The following CFAP65 variants were observed in gnomAD, a reference collection of about 807,000 sequenced individuals.
CFAP65 encodes cilia and flagella associated protein 65.
In CFAP65, 155 loss-of-function variants were observed where a neutral mutation model predicts 208.0. The observed-to-expected ratio is 0.75, with a 90% CI of 0.65 to 0.85. CFAP65 has a LOEUF of 0.85. CFAP65 is among the 40% of genes least tolerant of loss of function. CFAP65 has a pLI of 0.00. For missense variants in CFAP65, 2,294 were observed against 2,451.3 expected, an observed-to-expected ratio of 0.94 and a Z score of 1.36; for synonymous variants, 970 against 986.3, an observed-to-expected ratio of 0.98 and a Z score of 0.31.
chr2:219,030,998 G>C, intron 8 of CFAP65, 108 bp downstream of exon 8: 1 of 1,420,728 alleles, frequency 7.0e-7, no homozygotes, highest in Non-Finnish European at 9.5e-7. Flanking sequence ...GCAGGAGGCC[G>C]GTGGAGGCGG....
At chr2:219,033,533 AG>A (rs1948178891) in intron 5 of CFAP65, among the ~76,000 whole-genome samples, 1 of 152,114 alleles carries the variant, frequency 6.6e-6, no homozygotes, top group African/African-American at 2.4e-5. Flanking sequence ...AGAGAGAGGA[AG>A]AAAAGAAAGA....
At position 219,003,127 on chromosome 2, in the gene CFAP65, G is replaced by A. The variant is rs1314940581; in HGVS notation, c.5693+8C>T. On this transcript the variant is annotated splice_region_variant and intron_variant, in intron 34 of 34. Transcript: ENST00000341552. This position sits in a 1 kb window ranked among gnomAD's most constrained non-coding sequence, Gnocchi z 4.4. ...GGTCTGCGCGGCCGCTGGTCCCGGC[G>A]CCCTTACCTGGGCACGCAGAACGGC... 6.5e-7 allele frequency: 1 copy of A among 1,542,792 alleles called. No homozygotes were observed. The highest frequency in any genetic ancestry group is 2.0e-5 in the Admixed American group (1 of 50,600).
Position 219,030,776 on chromosome 2 carries a change from G to C in CFAP65, c.1074C>G (p.Ala358=), listed in dbSNP as rs968457113. 1.2e-6 allele frequency: 2 copies of C among 1,614,168 alleles called. No homozygotes were observed. Among genetic ancestry groups the C allele is most frequent in the Non-Finnish European group, 1.7e-6 (2 of 1,180,028 alleles). The stretch of plus-strand genomic sequence containing the variant: ...AGTACAACAGCTTCTGGAAGCCCTC[G>C]GCATCCTGGTCCTCCGGGCACTTGT... ...IKHKCPEDQD[A]EGFQKLLYFG... is the part of the protein sequence containing the mutation. The change falls in exon 9 of 35, where the codon GCC becomes GCG. Residue 358 remains alanine (A), a synonymous_variant. Coordinates refer to ENST00000341552, the MANE Select transcript of CFAP65 (RefSeq NM_194302.4).
At chr2:219,040,421 G>C in intron 2 of CFAP65, 98 bp downstream of exon 2, 1 of 753,900 alleles carries the variant, frequency 1.3e-6, no homozygotes, top group Admixed American at 2.0e-5. Context: ...CCTCTGGAGG[G>C]GACTATCTAG....
At chr2:219,015,362 A>G (rs1574563664) in intron 21 of CFAP65, 1 of 151,538 alleles carries the variant, frequency 6.6e-6, no homozygotes, top group East Asian at 2.0e-4. Flanking sequence ...GAAGTGTGCA[A>G]CACGCACCTG....
chr2:219,027,988 G>C lies in CFAP65; in HGVS notation c.1873C>G (p.Pro625Ala). The C allele has an allele frequency of 6.6e-7, 1 of 1,518,046 alleles. No individual in the cohort carries two copies. 94.0% of individuals were successfully genotyped at this position (1,518,046 alleles called of 1,614,324 possible). A position where few individuals can be genotyped will look rare whatever the true frequency, so the allele number is the denominator to read the frequency against. ...PIQDLEDMPA[P>A]QYPYIPPMTE... is the part of the protein sequence containing the mutation. ...ATGGGGGGGATATAAGGGTACTGCGGGGCCGGCATGTCCTCCAGATCCTGC... is the reference window on the plus strand; with the variant it reads ...ATGGGGGGGATATAAGGGTACTGCGCGGCCGGCATGTCCTCCAGATCCTGC... Residue 625 changes from proline (P) to alanine (A), a missense_variant, in exon 13 of 35, where the codon CCG becomes GCG. This residue lies in a region of CFAP65 where 867 missense variants were observed against 1,012.6 expected (regional missense o/e 0.86). Transcript: ENST00000341552.
At chr2:219,019,751 G>A (rs1263745391) in intron 19 of CFAP65, 32 bp from the exon 20 acceptor site, 1 of 1,593,902 alleles carries the variant, frequency 6.3e-7, no homozygotes. Flanking sequence ...ACAGAAGTGG[G>A]CTTGCCTCCC....
At chr2:219,036,444 CTT>C (rs768149167) in intron 4 of CFAP65, among the ~76,000 whole-genome samples, 56 of 142,204 alleles carry the variant, frequency 3.9e-4, no homozygotes, top group Admixed American at 4.9e-4. Flanking sequence ...GGCATTTTAT[CTT>C]TTTTTTTTTT....
intron 21 of CFAP65, chr2:219,018,825 G>A (rs1450335451): frequency 8.3e-6 from 5 of 603,408 alleles, no homozygotes; most frequent in Non-Finnish European, 1.5e-5. Flanking sequence ...CATCAGGGCA[G>A]TCCCACCGCT....
intron 27 of CFAP65, 34 bp downstream of exon 27, chr2:219,009,908 C>G (rs761903514): frequency 6.3e-7 from 1 of 1,582,282 alleles, no homozygotes; most frequent in Non-Finnish European, 8.6e-7. Context: ...GTCTGGAGCT[C>G]TGATGGAGGT....
rs1339525902 is a variant in CFAP65 at position 219,030,819 on chromosome 2, A to G, written c.1031T>C (p.Leu344Pro). The part of the protein sequence containing the change: ...QLQAVAKCAQ[L>P]LVSIKHKCPE... ...GCACTTGTGCTTTATGCTCACCAGC[A>G]GCTGGGCGCACTTGGCTGGGGCAGA... is the stretch of plus-strand genomic sequence containing the variant. Residue 344 changes from leucine to proline, a missense_variant, in exon 9 of 35, where the codon CTG becomes CCG. This residue lies in a region of CFAP65 where 867 missense variants were observed against 1,012.6 expected (regional missense o/e 0.86). Coordinates refer to ENST00000341552, the MANE Select transcript of CFAP65 (RefSeq NM_194302.4). 1 of 1,613,990 alleles carries G rather than the reference A, an allele frequency of 6.2e-7. No homozygotes were observed. The highest frequency in any genetic ancestry group is 1.7e-5 in the Admixed American group (1 of 60,004).
At chr2:219,006,278 C>G (rs1945972928) in intron 30 of CFAP65, 55 bp from the exon 31 acceptor site, 1 of 1,550,002 alleles carries the variant, frequency 6.5e-7, no homozygotes, top group East Asian at 2.3e-5. Flanking sequence ...ATTCACATCA[C>G]CAATGGGGTC....
chr2:219,038,521 C>T lies in CFAP65; in HGVS notation c.211G>A (p.Ala71Thr). 3 of 1,614,138 alleles carry T rather than the reference C, an allele frequency of 1.9e-6. No homozygotes were observed. Among genetic ancestry groups the T allele is most frequent in the Non-Finnish European group, 2.5e-6 (3 of 1,180,030 alleles). The change falls in exon 4 of 35, where the codon GCT becomes ACT. Residue 71 changes from alanine (A) to threonine (T), a missense_variant. Ala to Thr is a moderately conservative substitution (Grantham distance 58). Around this residue, in one of 2 missense-constraint regions of CFAP65, gnomAD observed 867 missense variants for 1,012.6 expected, o/e 0.86. Coordinates refer to ENST00000341552, the MANE Select transcript of CFAP65 (RefSeq NM_194302.4). Reference protein sequence around the residue: ...LCPKDMMLTQAPSSVVRSRNS... With the variant: ...LCPKDMMLTQTPSSVVRSRNS... ...CTGGACCTCACGACGGAGCTTGGAGCCTGGGTGAGCATCATGTCCTTGGGA... is the reference window on the plus strand; with the variant it reads ...CTGGACCTCACGACGGAGCTTGGAGTCTGGGTGAGCATCATGTCCTTGGGA...
In CFAP65 at chr2:219,031,464, C is replaced by T. The variant is rs780829461; in HGVS notation, c.815+25G>A. On this transcript the variant is annotated intron_variant, in intron 7 of 34. Transcript: ENST00000341552. The surrounding 1 kb of genome is among the most constrained non-coding windows in gnomAD (Gnocchi z 5.2). ...CCCTCCTCACAGCTCTTGCTCTCCC[C>T]GCCGCACCTCAGCCTCTTCCTCACC... is the stretch of plus-strand genomic sequence containing the variant. 2.5e-5 allele frequency: 40 copies of T among 1,613,978 alleles called. No homozygotes were observed. The highest frequency in any genetic ancestry group is 1.3e-4 in the African/African-American group (10 of 74,932).
chr2:219,037,250 G>C (rs953848192), intron 4 of CFAP65, among the ~76,000 whole-genome samples: 5 of 152,102 alleles, frequency 3.3e-5, no homozygotes, highest in African/African-American at 1.2e-4. Context: ...AAATTAGCCG[G>C]GCATGGTAGC....
At position 219,012,675 on chromosome 2, in the gene CFAP65, A is replaced by C. The variant is rs139247752; in HGVS notation, c.3957+584T>G. On this transcript the variant is annotated intron_variant, in intron 24 of 34. Transcript: ENST00000341552. ...CTGTATTGCCTTCAATCAGTAAAGA[A>C]AGAAAGGTCTAAAGCTTCCCAAGAA... 1.0e-3 allele frequency among the ~76,000 whole-genome samples: 158 copies of C among 152,378 alleles called. 6 individuals are homozygous for C. In the East Asian group the frequency reaches 0.029, roughly 28 times the overall value.
intron 14 of CFAP65, 105 bp from the exon 15 acceptor site, chr2:219,024,365 C>G: frequency 7.1e-7 from 1 of 1,408,682 alleles, no homozygotes; most frequent in Non-Finnish European, 9.6e-7. Flanking sequence ...CCAAGTAGAT[C>G]AGAGGTGCTG....
intron 14 of CFAP65, among the ~76,000 whole-genome samples, chr2:219,025,634 G>A (rs1181059465): frequency 2.0e-5 from 3 of 152,310 alleles, no homozygotes; most frequent in Non-Finnish European, 4.4e-5. Flanking sequence ...GCTTCCCAAA[G>A]GCAGGGGCTG....
rs1481464292 is a variant in CFAP65, at chr2:219,010,837, T to A, written c.4117A>T (p.Ile1373Phe). Residue 1373 changes from isoleucine (I) to phenylalanine (F), a missense_variant, in exon 25 of 35, where the codon ATC (isoleucine) becomes TTC (phenylalanine). Transcript: ENST00000341552. ...QPGSTARVLW[I>F]FSPIEAKTYT... ...GTCTTGGCCTCGATAGGTGAGAAGA[T>A]CCACAAGACCCGGGCAGTGCTGCCT... 1 of 1,608,152 alleles carries A rather than the reference T, an allele frequency of 6.2e-7. No homozygotes were observed. Among genetic ancestry groups the A allele is most frequent in the Non-Finnish European group, 8.5e-7 (1 of 1,176,480 alleles).
Sources: allele counts gnomAD v4.1 joint callset (sites outside exome capture counted in the v4.1 genomes callset), GRCh38; gene constraint gnomAD v4.1.1; regional missense constraint gnomAD v4.1.1; non-coding constraint Gnocchi (gnomAD v3.1); transcripts MANE v1.5; gene names NCBI Gene and HGNC (gene_info 2026-07-23, HGNC 2026-07-21).